SETD7: variants seen among roughly 807,000 people sequenced by gnomAD.
The protein encoded by SETD7 is histone-lysine N-methyltransferase SETD7.
Under a neutral mutation model 41.8 loss-of-function variants are expected in SETD7, and 16 were observed. That is an observed-to-expected ratio of 0.38 (90% confidence interval 0.26 to 0.58). SETD7 has a LOEUF of 0.58. Among genes scored for constraint, SETD7 ranks in the 20% least tolerant of loss-of-function variants. The probability of loss-of-function intolerance (pLI) is 0.64; values close to 1 mark genes in which losing one functional copy is unlikely to be tolerated. For missense variants in SETD7, 346 were observed against 459.7 expected (o/e 0.75, Z 2.26); for synonymous variants, 163 against 169.7 (o/e 0.96, Z 0.31).
chr4:139,511,459 C>A lies in SETD7; in HGVS notation c.*204G>T. 1 of 802,300 alleles carries A rather than the reference C, an allele frequency of 1.2e-6. No individual in the cohort carries two copies. The highest frequency in any genetic ancestry group is 1.9e-6 in the Non-Finnish European group (1 of 533,988). The allele number at this position is 802,300 out of a possible 1,614,324, so 49.7% of individuals were successfully genotyped here. A position where few individuals can be genotyped will look rare whatever the true frequency, so the allele number is the denominator to read the frequency against. On this transcript the variant is annotated 3_prime_UTR_variant, in exon 8 of 8. Transcript: ENST00000274031. The stretch of plus-strand genomic sequence containing the variant: ...TGCTCGACAATACCTCTCAGTAGGA[C>A]GTTGTTGCAAGGCTAGCTAATTTTA...
At chr4:139,543,734 C>T (rs1579222315) in intron 2 of SETD7, among the ~76,000 whole-genome samples, 1 of 149,772 alleles carries the variant, frequency 6.7e-6, no homozygotes, top group Non-Finnish European at 1.5e-5. Context: ...GGGCGGATCA[C>T]GAGGTCAGGA....
In SETD7 at chr4:139,556,157, C is replaced by A; in HGVS notation, c.-20G>T. ...ATCCATGGCGGCTGGGGACACTGCCCAGCTCGGGGCTGCGCGGCTGCCTCC... is the reference window on the plus strand; with the variant it reads ...ATCCATGGCGGCTGGGGACACTGCCAAGCTCGGGGCTGCGCGGCTGCCTCC... On this transcript the variant is annotated 5_prime_UTR_variant, in exon 1 of 8. Coordinates refer to ENST00000274031, the MANE Select transcript of SETD7 (RefSeq NM_030648.4). The A allele has an allele frequency of 6.3e-7, 1 of 1,590,704 alleles. No homozygotes were observed. The highest frequency in any genetic ancestry group is 2.4e-5 in the East Asian group (1 of 42,508).
At chr4:139,532,899 C>A (rs766678495) in intron 3 of SETD7, 6 of 529,566 alleles carry the variant, frequency 1.1e-5, no homozygotes, top group Admixed American at 3.5e-5. Flanking sequence ...ACAATAAAAC[C>A]AATTTGTCTC....
chr4:139,521,567 T>A (rs1406375727), intron 5 of SETD7, among the ~76,000 whole-genome samples: 1 of 152,234 alleles, frequency 6.6e-6, no homozygotes, highest in Non-Finnish European at 1.5e-5. Flanking sequence ...GAAGACTGAT[T>A]TATTGCTTTC....
At chr4:139,534,735 C>G (rs1472412196) in intron 2 of SETD7, among the ~76,000 whole-genome samples, 2 of 152,128 alleles carry the variant, frequency 1.3e-5, no homozygotes, top group African/African-American at 4.8e-5. Context: ...ACAAAACAAA[C>G]ACAATGGTAT....
In SETD7 at chr4:139,533,260, C is replaced by T. The variant is rs1727538154; in HGVS notation, c.277G>A (p.Gly93Ser). 3 of 1,614,156 alleles carry T rather than the reference C, an allele frequency of 1.9e-6. No individual in the cohort carries two copies. Among genetic ancestry groups the T allele is most frequent in the Non-Finnish European group, 2.5e-6 (3 of 1,179,994 alleles). Residue 93 changes from glycine (G) to serine (S), a missense_variant, in exon 3 of 8, where the codon GGT becomes AGT. Gly to Ser is a moderately conservative substitution (Grantham distance 56). Transcript: ENST00000274031. ...QGTYVDGELN[G>S]PAQEYDTDGR... Reference sequence around the variant, plus strand: ...TCTGTGTCATATTCCTGGGCTGGACCGTTCAGCTCTCCGTCTACATACGTG... The same window carrying T: ...TCTGTGTCATATTCCTGGGCTGGACTGTTCAGCTCTCCGTCTACATACGTG...
At chr4:139,499,960 G>A (rs185604305) in intron 7 of SETD7, among the ~76,000 whole-genome samples, 16 of 152,212 alleles carry the variant, frequency 1.1e-4, no homozygotes, top group Middle Eastern at 3.4e-3. Context: ...AGATCATGCC[G>A]TTTTTGTCCA....
intron 7 of SETD7, among the ~76,000 whole-genome samples, chr4:139,499,423 C>T (rs1249110725): frequency 6.6e-6 from 1 of 152,184 alleles, no homozygotes; most frequent in African/African-American, 2.4e-5. Context: ...GCCCCAGAGT[C>T]GCAAGATTTA....
intron 7 of SETD7, among the ~76,000 whole-genome samples, chr4:139,516,358 C>T (rs969261002): frequency 2.7e-5 from 4 of 147,740 alleles, no homozygotes; most frequent in African/African-American, 7.5e-5. Flanking sequence ...CCCAGCTATT[C>T]GGGAGGCTGA....
intron 3 of SETD7, among the ~76,000 whole-genome samples, chr4:139,530,595 G>A (rs932612207): frequency 6.6e-6 from 1 of 152,108 alleles, no homozygotes; most frequent in Admixed American, 6.5e-5. Context: ...TTGAATGGAA[G>A]GGTATAAGAG....
chr4:139,545,892 C>A (rs1727928577), intron 2 of SETD7, among the ~76,000 whole-genome samples: 2 of 152,294 alleles, frequency 1.3e-5, no homozygotes, highest in South Asian at 2.1e-4. Flanking sequence ...TTTTACCCAA[C>A]CAACGGGTCT....
intron 1 of SETD7, among the ~76,000 whole-genome samples, chr4:139,551,871 CA>C (rs1316422192): frequency 6.6e-6 from 1 of 151,986 alleles, no homozygotes; most frequent in African/African-American, 2.4e-5. Context: ...AATTGAAAAA[CA>C]AAAAACAACA....
In SETD7 at chr4:139,520,317, A is replaced by G; in HGVS notation, c.722T>C (p.Val241Ala). The change falls in exon 6 of 8, where the codon GTT (valine) becomes GCT (alanine). Residue 241 changes from valine to alanine, a missense_variant. Coordinates refer to ENST00000274031, the MANE Select transcript of SETD7 (RefSeq NM_030648.4). ...FSKVAVGPNTVMSFYNGVRIT... is the reference protein window; with the variant it reads ...FSKVAVGPNTAMSFYNGVRIT... ...TCGAACTCCATTATAAAAAGACATAACAGTATTAGGTCCCACAGCTACCTT... is the reference window on the plus strand; with the variant it reads ...TCGAACTCCATTATAAAAAGACATAGCAGTATTAGGTCCCACAGCTACCTT... 1 of 1,607,694 alleles carries G rather than the reference A, an allele frequency of 6.2e-7. No individual in the cohort carries two copies. Among genetic ancestry groups the G allele is most frequent in the African/African-American group, 1.3e-5 (1 of 74,812 alleles).
At chr4:139,537,314 G>A (rs1285178237) in intron 2 of SETD7, among the ~76,000 whole-genome samples, 1 of 152,162 alleles carries the variant, frequency 6.6e-6, no homozygotes, top group Admixed American at 6.5e-5. Context: ...AGCGAGACTT[G>A]TATCCATTAA....
intron 7 of SETD7, among the ~76,000 whole-genome samples, chr4:139,500,121 T>C (rs1726539139): frequency 6.6e-6 from 1 of 152,236 alleles, no homozygotes; most frequent in Admixed American, 6.5e-5. Context: ...TTTGAGTTGA[T>C]TTTTCAGCAA....
intron 3 of SETD7, among the ~76,000 whole-genome samples, chr4:139,532,239 C>T (rs187397950): frequency 8.5e-5 from 13 of 152,056 alleles, no homozygotes; most frequent in Non-Finnish European, 1.6e-4. Context: ...CCCAGGAGTT[C>T]GAGACTAGGT....
At chr4:139,542,463 A>G (rs947247296) in intron 2 of SETD7, among the ~76,000 whole-genome samples, 3 of 152,196 alleles carry the variant, frequency 2.0e-5, no homozygotes, top group African/African-American at 7.2e-5. Context: ...ACCCTGATTG[A>G]TCATTACACA....
intron 4 of SETD7, among the ~76,000 whole-genome samples, chr4:139,525,947 A>C (rs1727316300): frequency 6.6e-6 from 1 of 152,230 alleles, no homozygotes; most frequent in African/African-American, 2.4e-5. Context: ...TGAGGTCTGC[A>C]GGAATCTTGC....
chr4:139,494,825 CAAT>C (rs1380932170), downstream of SETD7, among the ~76,000 whole-genome samples: 3 of 152,316 alleles, frequency 2.0e-5, no homozygotes, highest in East Asian at 5.8e-4. Context: ...TGGATTATGA[CAAT>C]ATGAGTTTAT....
Sources: allele counts gnomAD v4.1 joint callset (sites outside exome capture counted in the v4.1 genomes callset), GRCh38; gene constraint gnomAD v4.1.1; transcripts MANE v1.5; gene names NCBI Gene and HGNC (gene_info 2026-07-23, HGNC 2026-07-21).